Variants in SVEP1 observed in about 807,000 individuals in gnomAD.
The protein encoded by SVEP1 is sushi, von Willebrand factor type A, EGF and pentraxin domain-containing protein 1.
In SVEP1, 164 loss-of-function variants were observed where a neutral mutation model predicts 367.3. The observed-to-expected ratio is 0.45, with a 90% CI of 0.39 to 0.51. The LOEUF (loss-of-function observed/expected upper bound fraction) is 0.51. Among genes scored for constraint, SVEP1 ranks in the 20% least tolerant of loss-of-function variants. The pLI, the probability that SVEP1 is intolerant of heterozygous loss-of-function variation, is 0.00. For missense variants in SVEP1, 4,117 were observed against 4,425.3 expected, an observed-to-expected ratio of 0.93 and a Z score of 1.98; for synonymous variants, 1,666 against 1,611.6, an observed-to-expected ratio of 1.03 and a Z score of -0.81.
Position 110,489,692 on chromosome 9 carries a change from A to T in SVEP1, c.1888T>A (p.Ser630Thr). The T allele has an allele frequency of 6.2e-7, 1 of 1,613,566 alleles. No individual in the cohort carries two copies. The highest frequency in any genetic ancestry group is 8.5e-7 in the Non-Finnish European group (1 of 1,179,616). Reference sequence around the variant, plus strand: ...AAAATGCAGCTGGCCTGGTTGCCGGATAGGTCAGTTGCCGTGTATACGATA... The same window carrying T: ...AAAATGCAGCTGGCCTGGTTGCCGGTTAGGTCAGTTGCCGTGTATACGATA... ...VAIVYTATDL[S>T]GNQASCIFHI... Residue 630 changes from serine to threonine, a missense_variant, in exon 9 of 48, where the codon TCC (serine) becomes ACC (threonine). By Grantham distance (58) the Ser-to-Thr change is moderately conservative (BLOSUM62 1). Transcript: ENST00000374469.
At chr9:110,433,434 C>T (rs1828385084) in intron 30 of SVEP1, among the ~76,000 whole-genome samples, 1 of 140,584 alleles carries the variant, frequency 7.1e-6, no homozygotes, top group Admixed American at 7.2e-5. Flanking sequence ...AAATAGCAGT[C>T]TAGCCTCCAC....
At chr9:110,568,728 T>C (rs1279566472) in intron 1 of SVEP1, among the ~76,000 whole-genome samples, 2 of 152,176 alleles carry the variant, frequency 1.3e-5, no homozygotes, top group Non-Finnish European at 2.9e-5. Flanking sequence ...TTTAAGAGTT[T>C]ATATCGAATA....
At position 110,408,100 on chromosome 9, in the gene SVEP1, T is replaced by G; in HGVS notation, c.7500A>C (p.Lys2500Asn). Residue 2500 changes from lysine to asparagine, a missense_variant, in exon 38 of 48, where the codon AAA becomes AAC. By Grantham distance (94) the Lys-to-Asn change is moderately conservative. This residue lies in a region of SVEP1 where 1,765 missense variants were observed against 1,781.1 expected (regional missense o/e 0.99). Transcript: ENST00000374469. The part of the protein sequence containing the change: ...KPTCKAIECL[K>N]PKEILNGKFS... ...ATTTGCCATTCAAAATCTCCTTGGG[T>G]TTCAGGCACTCAATGGCTTTACATG... The G allele has an allele frequency of 6.2e-7, 1 of 1,613,862 alleles. No homozygotes were observed. The highest frequency in any genetic ancestry group is 2.2e-5 in the East Asian group (1 of 44,874).
At position 110,445,917 on chromosome 9, in the gene SVEP1, G is replaced by C; in HGVS notation, c.4383C>G (p.Asp1461Glu). 9 of 1,613,894 alleles carry C rather than the reference G, an allele frequency of 5.6e-6. No homozygotes were observed. Among genetic ancestry groups the C allele is most frequent in the Non-Finnish European group, 6.8e-6 (8 of 1,179,838 alleles). The change falls in exon 26 of 48, where the codon GAC becomes GAG. Residue 1461 changes from aspartate (D) to glutamate (E), a missense_variant. Asp to Glu is a conservative substitution (Grantham distance 45). Around this residue, in one of 4 missense-constraint regions of SVEP1, gnomAD observed 2,174 missense variants for 2,494.3 expected, o/e 0.87. Transcript: ENST00000374469. ...LTCTFWMKSS[D>E]DMNYGTPISY... Reference sequence around the variant, plus strand: ...AGATTGGTGTTCCATAGTTCATGTCGTCAGAGGATTTCATCCAGAAGGTAC... The same window carrying C: ...AGATTGGTGTTCCATAGTTCATGTCCTCAGAGGATTTCATCCAGAAGGTAC...
In SVEP1 at chr9:110,459,005, G is replaced by A. The variant is rs755033733; in HGVS notation, c.3431C>T (p.Pro1144Leu). The change falls in exon 19 of 48, where the codon CCC becomes CTC. Residue 1144 changes from proline to leucine, a missense_variant. Pro to Leu is a moderately conservative substitution (Grantham distance 98, BLOSUM62 -3). Coordinates refer to ENST00000374469, the MANE Select transcript of SVEP1 (RefSeq NM_153366.4). The stretch of plus-strand genomic sequence containing the variant: ...AGCGAATGGGGTAGTTCCATAAAAG[G>A]GACAGGCCAGGCAGAAGGCCTTCCC... ...NAGKAFCLAC[P>L]FYGTTPFAGS... 6 of 1,613,676 alleles carry A rather than the reference G, an allele frequency of 3.7e-6. No homozygotes were observed. In the African/African-American group the frequency reaches 5.3e-5, roughly 14 times the overall value.
At chr9:110,399,814 G>A (rs892189245) in intron 40 of SVEP1, among the ~76,000 whole-genome samples, 9 of 152,176 alleles carry the variant, frequency 5.9e-5, no homozygotes, top group African/African-American at 4.8e-5. Flanking sequence ...GATTACAGGT[G>A]TGAGTCACGA....
chr9:110,459,407 TGAATA>T (rs1362171068), intron 18 of SVEP1, among the ~76,000 whole-genome samples: 1 of 152,198 alleles, frequency 6.6e-6, no homozygotes, highest in South Asian at 2.1e-4. Flanking sequence ...CCCAGATTAT[TGAATA>T]GTATAGATTT....
chr9:110,508,780 A>G (rs112061564), intron 5 of SVEP1, among the ~76,000 whole-genome samples: 11,423 of 142,584 alleles, frequency 0.08, 473 homozygotes, highest in Middle Eastern at 0.11. Context: ...AAAAAAAAAA[A>G]AAAGAAAGAA....
chr9:110,574,760 T>A (rs1341296294), intron 1 of SVEP1, among the ~76,000 whole-genome samples: 1 of 88,736 alleles, frequency 1.1e-5, no homozygotes, highest in African/African-American at 3.4e-5. Flanking sequence ...TTTTTTTTTT[T>A]TTTTTTGAGG....
intron 29 of SVEP1, among the ~76,000 whole-genome samples, 175 bp from the exon 30 acceptor site, chr9:110,434,681 A>AAAAAAAAAAAAAAAAAAAT (rs1402793795): frequency 6.6e-6 from 1 of 150,432 alleles, no homozygotes; most frequent in African/African-American, 2.4e-5. Context: ...AAAAAAAAAA[A>AAAAAAAAAAAAAAAAAAAT]AAAAAGCATT....
intron 27 of SVEP1, among the ~76,000 whole-genome samples, chr9:110,436,719 T>C (rs1320996592): frequency 6.6e-6 from 1 of 152,240 alleles, no homozygotes; most frequent in Non-Finnish European, 1.5e-5. Flanking sequence ...AGAATGTTGA[T>C]TTATAAACCT....
Position 110,579,171 on chromosome 9 carries a change from C to T in SVEP1, c.373G>A (p.Val125Met), listed in dbSNP as rs757179390. The change falls in exon 1 of 48, where the codon GTG becomes ATG. Residue 125 changes from valine to methionine, a missense_variant. By Grantham distance (21) the Val-to-Met change is conservative. This residue lies in a region of SVEP1 where 2,174 missense variants were observed against 2,494.3 expected (regional missense o/e 0.87). Coordinates refer to ENST00000374469, the MANE Select transcript of SVEP1 (RefSeq NM_153366.4). This position sits in a 1 kb window ranked among gnomAD's most constrained non-coding sequence, Gnocchi z 5.3. ...ACGTAGTTCTTGGACGAGAAGGTCA[C>T]GATGGCCACGCGCGTGGCCGTGGGC... ...VVPTATRVAI[V>M]TFSSKNYVVP... The T allele has an allele frequency of 5.7e-6, 9 of 1,565,928 alleles. No individual in the cohort carries two copies. Among genetic ancestry groups the T allele is most frequent in the Admixed American group, 1.9e-5 (1 of 52,728 alleles).
chr9:110,462,073 T>C, intron 18 of SVEP1, among the ~76,000 whole-genome samples: 1 of 152,240 alleles, frequency 6.6e-6, no homozygotes, highest in Middle Eastern at 3.4e-3. Flanking sequence ...TGAGAGAATA[T>C]CTCTGAGTAT....
At chr9:110,427,147 A>C (rs940284425) in intron 36 of SVEP1, among the ~76,000 whole-genome samples, 2 of 151,914 alleles carry the variant, frequency 1.3e-5, no homozygotes, top group Non-Finnish European at 2.9e-5. Flanking sequence ...AAAATACAAA[A>C]AGTAGCCGGG....
At chr9:110,491,590 G>GGGGTGTGT (rs76905358) in intron 8 of SVEP1, among the ~76,000 whole-genome samples, 23 of 147,836 alleles carry the variant, frequency 1.6e-4, no homozygotes, top group African/African-American at 5.2e-4. Flanking sequence ...TATAGAATGG[G>GGGGTGTGT]GTGTGTGTGT....
intron 36 of SVEP1, among the ~76,000 whole-genome samples, chr9:110,422,782 A>G: frequency 9.2e-6 from 1 of 108,468 alleles, no homozygotes; most frequent in African/African-American, 3.9e-5. Flanking sequence ...ATGGAATACT[A>G]TGCAGCCATA....
At chr9:110,489,870 A>T in intron 8 of SVEP1, 91 bp from the exon 9 acceptor site, 1 of 1,382,836 alleles carries the variant, frequency 7.2e-7, no homozygotes, top group Non-Finnish European at 9.6e-7. Context: ...GTTAACAATG[A>T]TACAATATTT....
intron 21 of SVEP1, 78 bp downstream of exon 21, chr9:110,457,178 G>T: frequency 1.7e-6 from 2 of 1,158,014 alleles, no homozygotes; most frequent in Non-Finnish European, 2.4e-6. Flanking sequence ...TATAGTTAAT[G>T]TACTAAAGTT....
At chr9:110,489,103 A>T (rs1466299833) in intron 9 of SVEP1, among the ~76,000 whole-genome samples, 1 of 152,112 alleles carries the variant, frequency 6.6e-6, no homozygotes, top group Non-Finnish European at 1.5e-5. Context: ...GAAGAAATCA[A>T]AGAGAAGTGG....
Sources: gnomAD v4.1 joint callset for allele counts (sites outside exome capture counted in the v4.1 genomes callset) on GRCh38, gnomAD v4.1.1 for gene constraint, gnomAD v4.1.1 regional missense constraint, Gnocchi (gnomAD v3.1) non-coding constraint, MANE v1.5 for transcripts, NCBI Gene and HGNC (gene_info 2026-07-23, HGNC 2026-07-21) for gene names.